The following SORCS1 variants were observed in gnomAD, a reference collection of about 807,000 sequenced individuals.
SORCS1 encodes VPS10 domain-containing receptor SorCS1.
SORCS1 carries 60 observed loss-of-function variants against 146.1 expected under a neutral mutation model. The observed-to-expected ratio is 0.41, with a 90% CI of 0.33 to 0.51. SORCS1 has a LOEUF of 0.51. SORCS1 is among the 20% of genes least tolerant of loss of function. The probability of loss-of-function intolerance (pLI) is 0.21; values close to 1 mark genes in which losing one functional copy is unlikely to be tolerated. For synonymous variants in SORCS1, 637 were observed against 584.0 expected, an observed-to-expected ratio of 1.09 and a Z score of -1.31; for missense variants, 1,352 against 1,487.6, an observed-to-expected ratio of 0.91 and a Z score of 1.50.
the SORCS1 span, among the ~76,000 whole-genome samples, chr10:107,173,032 A>C: frequency 6.6e-6 from 1 of 152,210 alleles, no homozygotes; most frequent in Non-Finnish European, 1.5e-5. Flanking sequence ...ACACACAAAT[A>C]CAACCACAAA....
intron 1 of SORCS1, among the ~76,000 whole-genome samples, chr10:107,082,727 T>G (rs1464252582): frequency 1.3e-5 from 2 of 152,192 alleles, no homozygotes; most frequent in African/African-American, 2.4e-5. Context: ...TTTGCTCACC[T>G]TGGCCTCCCA....
intron 3 of SORCS1, among the ~76,000 whole-genome samples, chr10:106,794,224 T>C (rs1946437793): frequency 6.6e-6 from 1 of 152,184 alleles, no homozygotes; most frequent in Non-Finnish European, 1.5e-5. Context: ...CTAGAACTGC[T>C]ATCCCCTATA....
intron 21 of SORCS1, among the ~76,000 whole-genome samples, chr10:106,614,399 CTCTG>C (rs1208297577): frequency 1.3e-4 from 20 of 152,290 alleles, no homozygotes. Flanking sequence ...GTTTCGAAGA[CTCTG>C]ACTTTATAAG....
chr10:106,941,237 C>G (rs1014971674), intron 2 of SORCS1, among the ~76,000 whole-genome samples: 2 of 152,134 alleles, frequency 1.3e-5, no homozygotes, highest in African/African-American at 4.8e-5. Context: ...GAAAGGCATC[C>G]CCAGCAAAGA....
Position 106,772,317 on chromosome 10 carries a change from AC to A in SORCS1, c.885+4216del, listed in dbSNP as rs548789849. Among the ~76,000 whole-genome samples the A allele has an allele frequency of 1.4e-4, 22 of 152,086 alleles. 1 individual carries two copies. In the South Asian group the frequency reaches 4.2e-3, roughly 29 times the overall value. On this transcript the variant is annotated intron_variant, in intron 4 of 25. Coordinates refer to ENST00000263054, the MANE Select transcript of SORCS1 (RefSeq NM_052918.5). ...GACCAGGACTTACACCATTGGTTCC[AC>A]CCCCAACCAATTCTCAGGCCTTCAA...
intron 16 of SORCS1, among the ~76,000 whole-genome samples, chr10:106,669,281 C>T (rs1414037350): frequency 1.3e-5 from 2 of 152,082 alleles, no homozygotes; most frequent in East Asian, 3.9e-4. Flanking sequence ...GACTGGCTTA[C>T]TTTGAAGCCT....
rs1844562226 is a variant in SORCS1, at chr10:106,576,079, A to G, written c.*1341T>C. ...TGGCCAGGTTTGAATTACTTTGCAT[A>G]TATCAACTCTTTCGCATACAGTATA... On this transcript the variant is annotated 3_prime_UTR_variant, in exon 26 of 26. Transcript: ENST00000263054. The G allele has an allele frequency of 6.6e-6, 1 of 152,258 alleles. No individual in the cohort carries two copies. Among genetic ancestry groups the G allele is most frequent in the Admixed American group, 6.5e-5 (1 of 15,282 alleles). 9.4% of individuals were successfully genotyped at this position (152,258 alleles called of 1,614,324 possible).
intron 23 of SORCS1, 104 bp downstream of exon 23, chr10:106,607,062 T>G: frequency 6.8e-7 from 1 of 1,465,138 alleles, no homozygotes; most frequent in South Asian, 1.3e-5. Context: ...TTGGTGAAGC[T>G]GTAGTTAGGA....
intron 23 of SORCS1, among the ~76,000 whole-genome samples, chr10:106,598,519 C>T (rs1008492501): frequency 1.3e-5 from 2 of 152,058 alleles, no homozygotes; most frequent in East Asian, 1.9e-4. Flanking sequence ...CTCAGCCTCC[C>T]GAAGTGCTAG....
chr10:106,809,367 C>G (rs1336401443), intron 3 of SORCS1, among the ~76,000 whole-genome samples: 1 of 152,126 alleles, frequency 6.6e-6, no homozygotes, highest in Non-Finnish European at 1.5e-5. Flanking sequence ...AGATGCTCTG[C>G]TGCCAGGCTG....
intron 2 of SORCS1, among the ~76,000 whole-genome samples, chr10:106,955,270 C>T (rs528439173): frequency 2.0e-5 from 3 of 152,254 alleles, no homozygotes; most frequent in Non-Finnish European, 4.4e-5. Context: ...GGCGCCACCG[C>T]ATTCCCCTCG....
At chr10:106,989,680 G>GTTTTTTT (rs761689988) in intron 1 of SORCS1, among the ~76,000 whole-genome samples, 86 of 70,356 alleles carry the variant, frequency 1.2e-3, no homozygotes, top group African/African-American at 4.3e-3. Flanking sequence ...GTTTTTTTTT[G>GTTTTTTT]TTTTTTTTTT....
At chr10:106,984,782 C>T (rs1313270959) in intron 1 of SORCS1, among the ~76,000 whole-genome samples, 1 of 151,896 alleles carries the variant, frequency 6.6e-6, no homozygotes, top group Non-Finnish European at 1.5e-5. Context: ...TATAGACACA[C>T]ACTTTTATAC....
At chr10:106,969,477 T>C (rs1480310491) in intron 1 of SORCS1, among the ~76,000 whole-genome samples, 2 of 152,186 alleles carry the variant, frequency 1.3e-5, no homozygotes, top group African/African-American at 2.4e-5. Context: ...AAGGACTGGA[T>C]TGGGCCAGTT....
chr10:106,865,353 T>A (rs1455410710), intron 2 of SORCS1, among the ~76,000 whole-genome samples: 1 of 152,140 alleles, frequency 6.6e-6, no homozygotes, highest in Non-Finnish European at 1.5e-5. Context: ...TGTTGATCCC[T>A]CCAGGTACTG....
chr10:106,650,008 T>C (rs1018636870), intron 18 of SORCS1, among the ~76,000 whole-genome samples: 3 of 152,202 alleles, frequency 2.0e-5, no homozygotes, highest in Non-Finnish European at 4.4e-5. Context: ...ATGAACATAA[T>C]AATCATTGTT....
intron 19 of SORCS1, among the ~76,000 whole-genome samples, chr10:106,620,934 C>G (rs1847703626): frequency 6.6e-6 from 1 of 152,200 alleles, no homozygotes; most frequent in Non-Finnish European, 1.5e-5. Context: ...ATGAAGACCT[C>G]ATAGAATCCA....
chr10:106,937,123 G>A (rs1333599195), intron 2 of SORCS1, among the ~76,000 whole-genome samples: 1 of 151,584 alleles, frequency 6.6e-6, no homozygotes, highest in Non-Finnish European at 1.5e-5. Context: ...ATGGGGGTAG[G>A]TTTTTCCCAT....
chr10:106,633,050 C>G (rs1359505904), intron 18 of SORCS1, among the ~76,000 whole-genome samples: 2 of 152,086 alleles, frequency 1.3e-5, no homozygotes, highest in Non-Finnish European at 1.5e-5. Flanking sequence ...AGAACAAGAA[C>G]ATGTTACCAA....
Sources: gnomAD v4.1 joint callset for allele counts (sites outside exome capture counted in the v4.1 genomes callset) on GRCh38, gnomAD v4.1.1 for gene constraint, MANE v1.5 for transcripts, NCBI Gene and HGNC (gene_info 2026-07-23, HGNC 2026-07-21) for gene names.